BCL11A: variants seen among roughly 807,000 people sequenced by gnomAD.
BCL11A encodes B cell CLL/lymphoma 11A.
A neutral mutation model predicts 55.9 loss-of-function variants in BCL11A; 2 were observed. The ratio of observed to expected loss-of-function variants is 0.04; its 90% CI spans 0.01 to 0.11. The LOEUF is 0.11. Among genes scored for constraint, BCL11A ranks in the 10% least tolerant of loss-of-function variants. BCL11A has a pLI of 1.00. For missense variants in BCL11A, 817 were observed against 1,137.1 expected (o/e 0.72, Z 4.05); for synonymous variants, 465 against 473.4 (o/e 0.98, Z 0.23).
At chr2:60,515,661 C>A (rs1427373134) in intron 2 of BCL11A, among the ~76,000 whole-genome samples, 1 of 152,160 alleles carries the variant, frequency 6.6e-6, no homozygotes, top group African/African-American at 2.4e-5. Flanking sequence ...TCTGTGGGAC[C>A]CAGCTACCTC....
intron 2 of BCL11A, among the ~76,000 whole-genome samples, chr2:60,473,402 C>A (rs893055364): frequency 6.6e-6 from 1 of 151,966 alleles, no homozygotes; most frequent in Admixed American, 6.6e-5. Context: ...TGGTGACAGG[C>A]CAAAATACAG....
chr2:60,519,009 G>A (rs367559462), intron 2 of BCL11A, among the ~76,000 whole-genome samples: 3 of 152,306 alleles, frequency 2.0e-5, no homozygotes, highest in African/African-American at 7.2e-5. Context: ...CTTTTAAAGA[G>A]CGATGGCACA....
At position 60,459,565 on chromosome 2, in the gene BCL11A, A is replaced by T. The variant is rs770571130; in HGVS notation, c.*839T>A. 9.8e-7 allele frequency: 1 copy of T among 1,025,198 alleles called. No individual in the cohort carries two copies. Among genetic ancestry groups the T allele is most frequent in the Non-Finnish European group, 1.2e-6 (1 of 853,314 alleles). 63.5% of individuals were successfully genotyped at this position (1,025,198 alleles called of 1,614,324 possible). A position where few individuals can be genotyped will look rare whatever the true frequency, so the allele number is the denominator to read the frequency against. ...GGTAGCCATTGTTGTGAGAAATACA[A>T]TATAGAATTATATGCTAGTTCCTAA... On this transcript the variant is annotated 3_prime_UTR_variant, in exon 4 of 4. Transcript: ENST00000642384.
At chr2:60,510,814 T>C (rs1679938253) in intron 2 of BCL11A, among the ~76,000 whole-genome samples, 1 of 152,234 alleles carries the variant, frequency 6.6e-6, no homozygotes, top group Non-Finnish European at 1.5e-5. Context: ...CTTTGGATCT[T>C]GGGTTTGAGC....
chr2:60,490,721 C>G (rs1441929129), intron 2 of BCL11A, among the ~76,000 whole-genome samples: 2 of 152,152 alleles, frequency 1.3e-5, no homozygotes, highest in Non-Finnish European at 2.9e-5. Context: ...TACAGGGACT[C>G]TTTCTCCTAC....
exon 5 of BCL11A, chr2:60,451,400 TA>T: frequency 4.4e-6 from 1 of 228,356 alleles, no homozygotes; most frequent in Non-Finnish European, 8.7e-6. Flanking sequence ...CTCCAAGCAG[TA>T]AAAAATACCA....
chr2:60,452,645 C>T (rs1306723176), downstream of BCL11A: 4 of 1,613,554 alleles, frequency 2.5e-6, no homozygotes, highest in African/African-American at 1.3e-5. Context: ...GGTACTACGC[C>T]GAATGGGGGT....
intron 2 of BCL11A, chr2:60,525,396 T>C (rs1669159488): frequency 6.6e-6 from 1 of 152,224 alleles, no homozygotes; most frequent in Non-Finnish European, 1.5e-5. Flanking sequence ...TATACTGCAC[T>C]TCAATTTTGC....
intron 3 of BCL11A, among the ~76,000 whole-genome samples, chr2:60,467,110 AGTGGTGGTGGTGGTGGTGATGGTGGTGT>A (rs1676672096): frequency 1.4e-5 from 1 of 72,468 alleles, no homozygotes. Flanking sequence ...TGGTGGTGGT[AGTGGTGGTGGTGGTGGTGATGGTGGTGT>A]TGGTGGTGAT....
chr2:60,454,606 G>A (rs925290407), downstream of BCL11A, among the ~76,000 whole-genome samples: 2 of 152,116 alleles, frequency 1.3e-5, no homozygotes, highest in Admixed American at 1.3e-4. Flanking sequence ...GGGGAAAAGA[G>A]GCTTAAAACA....
At chr2:60,538,719 GTCTCTCTC>G (rs542617506) in intron 2 of BCL11A, among the ~76,000 whole-genome samples, 3 of 130,576 alleles carry the variant, frequency 2.3e-5, no homozygotes, top group African/African-American at 8.8e-5. Flanking sequence ...TAAACTGAAT[GTCTCTCTC>G]TCTCTCTCTC....
chr2:60,460,848 C>G lies in BCL11A; in HGVS notation c.2064G>C (p.Ser688=), dbSNP rs749754790. Reference sequence around the variant, plus strand: ...AACTCCCGTTCTCCGAGGAGTGCTCCGACGAGGAGGCAAAAGGCGATTGTC... The same window carrying G: ...AACTCCCGTTCTCCGAGGAGTGCTCGGACGAGGAGGCAAAAGGCGATTGTC... ...DSRQSPFASS[S]EHSSENGSLR... is the part of the protein sequence containing the mutation. The change falls in exon 4 of 4, where the codon TCG becomes TCC. Residue 688 remains serine (S), a synonymous_variant. Coordinates refer to ENST00000642384, the MANE Select transcript of BCL11A (RefSeq NM_022893.4). The G allele has an allele frequency of 6.2e-6, 10 of 1,612,830 alleles. No homozygotes were observed. Among genetic ancestry groups the G allele is most frequent in the African/African-American group, 2.7e-5 (2 of 74,950 alleles).
chr2:60,520,565 G>A (rs1181920243), intron 2 of BCL11A, among the ~76,000 whole-genome samples: 1 of 152,162 alleles, frequency 6.6e-6, no homozygotes, highest in Non-Finnish European at 1.5e-5. Context: ...TCCTCACAGA[G>A]TTTTCTGAGG....
chr2:60,490,166 G>A (rs767399290), intron 2 of BCL11A, among the ~76,000 whole-genome samples: 19 of 152,122 alleles, frequency 1.2e-4, no homozygotes, highest in Non-Finnish European at 2.2e-4. Flanking sequence ...GAAACCCTAC[G>A]GTCAACCAAC....
rs1676089397 is a variant in BCL11A at position 60,459,058 on chromosome 2, C to T, written c.*1346G>A. 2 of 1,015,848 alleles carry T rather than the reference C, an allele frequency of 2.0e-6. No homozygotes were observed. The highest frequency in any genetic ancestry group is 2.4e-6 in the Non-Finnish European group (2 of 845,012). The allele number at this position is 1,015,848 out of a possible 1,614,324, so 62.9% of individuals were successfully genotyped here. A position where few individuals can be genotyped will look rare whatever the true frequency, so the allele number is the denominator to read the frequency against. ...GTCTTAAGAATTCATAGTTAATCAT[C>T]ATTGTATCAATATTAGCTTATATAC... is the stretch of plus-strand genomic sequence containing the variant. On this transcript the variant is annotated 3_prime_UTR_variant, in exon 4 of 4. Coordinates refer to ENST00000642384, the MANE Select transcript of BCL11A (RefSeq NM_022893.4).
At chr2:60,541,055 C>A (rs1435944501) in intron 2 of BCL11A, among the ~76,000 whole-genome samples, 2 of 151,266 alleles carry the variant, frequency 1.3e-5, no homozygotes, top group African/African-American at 4.9e-5. Flanking sequence ...GGGAGGGAAA[C>A]TTTGTCCCCC....
chr2:60,480,860 C>T (rs549631880), intron 2 of BCL11A, among the ~76,000 whole-genome samples: 13 of 152,340 alleles, frequency 8.5e-5, no homozygotes, highest in African/African-American at 2.4e-4. Context: ...CCCCTACCTG[C>T]ACCCCCATCT....
intron 2 of BCL11A, among the ~76,000 whole-genome samples, chr2:60,477,231 A>G (rs1325449152): frequency 3.9e-5 from 6 of 152,226 alleles, no homozygotes; most frequent in Non-Finnish European, 4.4e-5. Flanking sequence ...GGATGCGATG[A>G]GAATGATCAT....
chr2:60,544,292 C>T (rs1260475864), intron 2 of BCL11A: 1 of 152,294 alleles, frequency 6.6e-6, no homozygotes, highest in African/African-American at 2.4e-5. Context: ...CGACAAATCC[C>T]CTTCCGCCTG....
Sources: gnomAD v4.1 joint callset for allele counts (sites outside exome capture counted in the v4.1 genomes callset) on GRCh38, gnomAD v4.1.1 for gene constraint, MANE v1.5 for transcripts, NCBI Gene and HGNC (gene_info 2026-07-23, HGNC 2026-07-21) for gene names.